EMC7: variants seen among roughly 807,000 people sequenced by gnomAD.
The protein encoded by EMC7 is ER membrane protein complex subunit 7.
In EMC7, 4 loss-of-function variants were observed where a neutral mutation model predicts 24.4. The ratio of observed to expected loss-of-function variants is 0.16; its 90% CI spans 0.08 to 0.38. EMC7 has a LOEUF of 0.38. EMC7 is among the 10% of genes least tolerant of loss of function. The pLI is 1.00. For missense variants in EMC7, 221 were observed against 300.6 expected (o/e 0.74, Z 1.96); for synonymous variants, 106 against 112.0 (o/e 0.95, Z 0.34).
At chr15:34,085,789 A>G (rs1900870887) in intron 4 of EMC7, 1 of 152,218 alleles carries the variant, frequency 6.6e-6, no homozygotes, top group Admixed American at 6.6e-5. Flanking sequence ...GAGTCCCTGC[A>G]AACATATATC....
chr15:34,096,931 G>A (rs1048820563), intron 1 of EMC7, among the ~76,000 whole-genome samples: 7 of 150,098 alleles, frequency 4.7e-5, no homozygotes, highest in African/African-American at 1.7e-4. Flanking sequence ...AGGTTGCAGT[G>A]AGCTGTCCAG....
rs919627989 is a variant in EMC7 at position 34,093,456 on chromosome 15, T to C, written c.356+2439A>G. Among the ~76,000 whole-genome samples, 4 of 146,046 alleles carry C rather than the reference T, an allele frequency of 2.7e-5. No homozygotes were observed. The Admixed American group carries it at 2.7e-4, about 10-fold the overall frequency. ...CTCAAATTAAAAAAAAAAAAAAAAT[T>C]ATAAGTTGAACCATTGTAAGCTGGG... On this transcript the variant is annotated intron_variant, in intron 2 of 4. Coordinates refer to ENST00000256545, the MANE Select transcript of EMC7 (RefSeq NM_020154.3).
chr15:34,092,938 A>G (rs113933058), intron 2 of EMC7, among the ~76,000 whole-genome samples: 32 of 152,352 alleles, frequency 2.1e-4, no homozygotes, highest in African/African-American at 7.5e-4. Flanking sequence ...AGCCTAGCTT[A>G]GCCTACCTTA....
chr15:34,091,701 G>C (rs149422145), intron 2 of EMC7, among the ~76,000 whole-genome samples: 1 of 152,228 alleles, frequency 6.6e-6, no homozygotes, highest in Non-Finnish European at 1.5e-5. Flanking sequence ...ATCTAATTCT[G>C]ACTCCAAGCA....
chr15:34,085,563 T>C (rs1900866808), intron 4 of EMC7, among the ~76,000 whole-genome samples: 1 of 151,970 alleles, frequency 6.6e-6, no homozygotes, highest in Non-Finnish European at 1.5e-5. Flanking sequence ...CAGCTGGGAC[T>C]ATAGGCACAC....
At position 34,084,285 on chromosome 15, in the gene EMC7, C is replaced by T. The variant is rs780152685; in HGVS notation, c.*49G>A. Reference sequence around the variant, plus strand: ...CACACGGTTTTCCAAGACTTGGATGCCACCCAGTGTTGCCGTGTTTGTGCA... The same window carrying T: ...CACACGGTTTTCCAAGACTTGGATGTCACCCAGTGTTGCCGTGTTTGTGCA... On this transcript the variant is annotated 3_prime_UTR_variant, in exon 5 of 5. Coordinates refer to ENST00000256545, the MANE Select transcript of EMC7 (RefSeq NM_020154.3). 36 of 1,569,316 alleles carry T rather than the reference C, an allele frequency of 2.3e-5. No homozygotes were observed. Among genetic ancestry groups the T allele is most frequent in the Non-Finnish European group, 2.8e-5 (32 of 1,152,986 alleles).
chr15:34,101,664 T>C lies in EMC7; in HGVS notation c.176A>G (p.Gln59Arg). The change falls in exon 1 of 5, where the codon CAG becomes CGG. Residue 59 changes from glutamine (Q) to arginine (R), a missense_variant. Physicochemically the swap from Gln to Arg is conservative, Grantham distance 43 (BLOSUM62 1). Transcript: ENST00000256545. ...CACTCGGGCCGCCGAGATCCAGTCCTGAGGCTTCACCCCTGGAACAACTGC... is the reference window on the plus strand; with the variant it reads ...CACTCGGGCCGCCGAGATCCAGTCCCGAGGCTTCACCCCTGGAACAACTGC... ...GRAVVPGVKP[Q>R]DWISAARVLV... 2 of 1,613,508 alleles carry C rather than the reference T, an allele frequency of 1.2e-6. No individual in the cohort carries two copies. The highest frequency in any genetic ancestry group is 1.7e-6 in the Non-Finnish European group (2 of 1,179,912).
intron 1 of EMC7, among the ~76,000 whole-genome samples, chr15:34,097,317 GC>G (rs892468426): frequency 2.0e-5 from 3 of 152,160 alleles, no homozygotes; most frequent in Non-Finnish European, 4.4e-5. Flanking sequence ...ACAGGCGTGA[GC>G]CACTGCGCCT....
At chr15:34,089,884 A>T (rs1900952244) in intron 3 of EMC7, among the ~76,000 whole-genome samples, 1 of 152,144 alleles carries the variant, frequency 6.6e-6, no homozygotes, top group African/African-American at 2.4e-5. Context: ...TGAACCTGGG[A>T]GGCAGAGGTT....
intron 3 of EMC7, 27 bp from the exon 4 acceptor site, chr15:34,088,160 GT>G: frequency 6.3e-7 from 1 of 1,579,324 alleles, no homozygotes; most frequent in African/African-American, 1.4e-5. Context: ...TCCAGAAAAT[GT>G]TTTTCCCCCA....
rs541898149 is a variant in EMC7 at position 34,095,680 on chromosome 15, A to C, written c.356+215T>G. 2.7e-3 allele frequency among the ~76,000 whole-genome samples: 413 copies of C among 152,344 alleles called. 3 individuals carry two copies. The highest frequency in any genetic ancestry group is 0.014 in the South Asian group (68 of 4,828). On this transcript the variant is annotated intron_variant, in intron 2 of 4. Transcript: ENST00000256545. ...CTTTTCTTTATGTAATCATATTAGG[A>C]GCTTTAAAATAAATTTTAAGCCAGA...
chr15:34,097,129 GTT>G (rs1203620928), intron 1 of EMC7, among the ~76,000 whole-genome samples: 1 of 132,560 alleles, frequency 7.5e-6, no homozygotes, highest in Non-Finnish European at 1.5e-5. Flanking sequence ...CGCCTCCTGC[GTT>G]CACGCCATTC....
Position 34,095,987 on chromosome 15 carries a change from A to G in EMC7, c.264T>C (p.Asp88=). Residue 88 remains aspartate (D), a synonymous_variant, in exon 2 of 5, where the codon GAT becomes GAC. Coordinates refer to ENST00000256545, the MANE Select transcript of EMC7 (RefSeq NM_020154.3). ...CCACTACATAAGATCCAGAAGGTATATCATGAACCACAAAACTCCCATCTG... is the reference window on the plus strand; with the variant it reads ...CCACTACATAAGATCCAGAAGGTATGTCATGAACCACAAAACTCCCATCTG... The part of the protein sequence containing the change: ...LKTDGSFVVH[D]IPSGSYVVEV... The G allele has an allele frequency of 6.3e-7, 1 of 1,589,342 alleles. No individual in the cohort carries two copies. The highest frequency in any genetic ancestry group is 8.6e-7 in the Non-Finnish European group (1 of 1,162,868).
At position 34,090,470 on chromosome 15, in the gene EMC7, T is replaced by TG; in HGVS notation, c.357-16dup. The TG allele has an allele frequency of 6.2e-7, 1 of 1,601,078 alleles. No individual in the cohort carries two copies. Among genetic ancestry groups the TG allele is most frequent in the South Asian group, 1.1e-5 (1 of 88,630 alleles). ...CATATCTTGCTCTGATAAAGCAACA[T>TG]GGGGAAAGCAACAGTAATTCCATTA... is the stretch of plus-strand genomic sequence containing the variant. On this transcript the variant is annotated splice_polypyrimidine_tract_variant and intron_variant, in intron 2 of 4. Transcript: ENST00000256545.
rs1191605075 is a variant in EMC7 at position 34,101,672 on chromosome 15, C to T, written c.168G>A (p.Val56=). 6.2e-7 allele frequency: 1 copy of T among 1,613,918 alleles called. No homozygotes were observed. The highest frequency in any genetic ancestry group is 1.7e-5 in the Admixed American group (1 of 59,996). Residue 56 remains valine (V), a synonymous_variant, in exon 1 of 5, where the codon GTG becomes GTA. Transcript: ENST00000256545. Reference sequence around the variant, plus strand: ...CCGCCGAGATCCAGTCCTGAGGCTTCACCCCTGGAACAACTGCACGCCCCT... The same window carrying T: ...CCGCCGAGATCCAGTCCTGAGGCTTTACCCCTGGAACAACTGCACGCCCCT... ...KIEGRAVVPG[V]KPQDWISAAR... is the part of the protein sequence containing the mutation.
At chr15:34,094,389 C>T (rs564501387) in intron 2 of EMC7, among the ~76,000 whole-genome samples, 20 of 152,088 alleles carry the variant, frequency 1.3e-4, no homozygotes, top group African/African-American at 4.8e-4. Context: ...CAAAAATTAG[C>T]CGGGCGTTGG....
rs765629639 is a variant in EMC7 at position 34,101,859 on chromosome 15, G to C, written c.-20C>G. The C allele has an allele frequency of 3.2e-5, 50 of 1,565,506 alleles. No individual in the cohort carries two copies. In the Middle Eastern group the frequency reaches 5.3e-4, roughly 17 times the overall value. On this transcript the variant is annotated 5_prime_UTR_variant, in exon 1 of 5. Transcript: ENST00000256545. ...CGCCATGACAGCAGCTCTGCACTCA[G>C]ACCGGCAGCCCCGGAAGCCCTCCCA...
intron 4 of EMC7, chr15:34,086,184 C>A: frequency 2.5e-6 from 1 of 399,626 alleles, no homozygotes. Context: ...TCTACGAACA[C>A]TGTTGTCAAC....
At chr15:34,088,198 C>T in intron 3 of EMC7, 65 bp from the exon 4 acceptor site, 1 of 1,310,362 alleles carries the variant, frequency 7.6e-7, no homozygotes, top group Non-Finnish European at 1.1e-6. Flanking sequence ...ACAAAAACTG[C>T]ACTTAACAAC....
Sources: allele counts gnomAD v4.1 joint callset (sites outside exome capture counted in the v4.1 genomes callset), GRCh38; gene constraint gnomAD v4.1.1; transcripts MANE v1.5; gene names NCBI Gene and HGNC (gene_info 2026-07-23, HGNC 2026-07-21).